TMC2: variants seen among roughly 807,000 people sequenced by gnomAD.
The protein encoded by TMC2 is transmembrane channel like 2, also known as transmembrane channel-like protein 2.
In TMC2, 102 loss-of-function variants were observed where a neutral mutation model predicts 105.9. The observed-to-expected ratio is 0.96, with a 90% CI of 0.82 to 1.14. TMC2 has a LOEUF of 1.14. Among genes scored for constraint, TMC2 ranks in the 50% most tolerant of loss-of-function variants. The pLI is 0.00. For synonymous variants in TMC2, 402 were observed against 422.8 expected (o/e 0.95, Z 0.60); for missense variants, 1,093 against 1,134.3 (o/e 0.96, Z 0.52).
intron 17 of TMC2, among the ~76,000 whole-genome samples, chr20:2,627,158 C>T (rs2086570405): frequency 1.3e-5 from 2 of 152,202 alleles, no homozygotes; most frequent in Non-Finnish European, 2.9e-5. Context: ...GAACAGCTTG[C>T]TGTTTACTCA....
At chr20:2,635,864 C>A in intron 17 of TMC2, 62 bp from the exon 18 acceptor site, 2 of 1,360,006 alleles carry the variant, frequency 1.5e-6, no homozygotes, top group Non-Finnish European at 2.1e-6. Flanking sequence ...CCAAGAAAGG[C>A]GCCCAGCTCC....
chr20:2,552,085 T>C (rs565116989), intron 2 of TMC2, among the ~76,000 whole-genome samples: 20 of 151,090 alleles, frequency 1.3e-4, no homozygotes, highest in Middle Eastern at 3.4e-3. Flanking sequence ...ACAGAGACTC[T>C]ACAAAAAAAA....
intron 18 of TMC2, among the ~76,000 whole-genome samples, chr20:2,636,683 G>A (rs1444901139): frequency 6.6e-5 from 10 of 152,112 alleles, no homozygotes; most frequent in African/African-American, 1.9e-4. Context: ...GAGTGCAGTG[G>A]CACGATCCCA....
chr20:2,631,624 A>G (rs2086603564), intron 17 of TMC2, among the ~76,000 whole-genome samples: 1 of 151,872 alleles, frequency 6.6e-6, no homozygotes, highest in Admixed American at 6.6e-5. Flanking sequence ...TGAAAAAACA[A>G]TTGACTGTTA....
intron 4 of TMC2, among the ~76,000 whole-genome samples, chr20:2,567,733 A>G (rs2086074536): frequency 6.6e-6 from 1 of 152,170 alleles, no homozygotes; most frequent in Non-Finnish European, 1.5e-5. Flanking sequence ...AAATGCTTCA[A>G]TGAGCAATTG....
At position 2,616,336 on chromosome 20, in the gene TMC2, ATG is replaced by A; in HGVS notation, c.1940+133_1940+134del. 1 of 729,558 alleles carries A rather than the reference ATG, an allele frequency of 1.4e-6. No individual in the cohort carries two copies. Among genetic ancestry groups the A allele is most frequent in the South Asian group, 1.6e-5 (1 of 62,870 alleles). The allele number at this position is 729,558 out of a possible 1,614,324, so 45.2% of individuals were successfully genotyped here. A position where few individuals can be genotyped will look rare whatever the true frequency, so the allele number is the denominator to read the frequency against. ...GCCTCTCTGAACTCCCCTCTTTCAC[ATG>A]AAAAATCAAGAGCGGGACTAGATGA... On this transcript the variant is annotated intron_variant, in intron 15 of 19. Transcript: ENST00000358864. The surrounding 1 kb of genome is among the most constrained non-coding windows in gnomAD (Gnocchi z 4.8).
chr20:2,578,728 TGTCTGCCAGACGTGGGTCTG>T lies in TMC2; in HGVS notation c.646-417_646-398del, dbSNP rs146874368. Among the ~76,000 whole-genome samples the T allele has an allele frequency of 2.2e-3, 333 of 152,388 alleles. 11 individuals carry two copies. The East Asian group carries it at 0.058, about 27-fold the overall frequency. On this transcript the variant is annotated intron_variant, in intron 5 of 19. Transcript: ENST00000358864. ...TTCCTATCAGAGAGAGGCACTTGGCTGTCTGCCAGACGTGGGTCTGAGAGTAGCCAGAGTTCCTTCTACCT... is the reference window on the plus strand; with the variant it reads ...TTCCTATCAGAGAGAGGCACTTGGCTAGAGTAGCCAGAGTTCCTTCTACCT...
Position 2,558,181 on chromosome 20 carries a change from G to A in TMC2, c.83-275G>A. 2 of 600,328 alleles carry A rather than the reference G, an allele frequency of 3.3e-6. No homozygotes were observed. Among genetic ancestry groups the A allele is most frequent in the Non-Finnish European group, 5.4e-6 (2 of 371,736 alleles). The allele number at this position is 600,328 out of a possible 1,614,324, so 37.2% of individuals were successfully genotyped here. On this transcript the variant is annotated intron_variant, in intron 2 of 19. Coordinates refer to ENST00000358864, the MANE Select transcript of TMC2 (RefSeq NM_080751.3). The surrounding 1 kb of genome is among the most constrained non-coding windows in gnomAD (Gnocchi z 4.6). ...CTCTGTGTGACTTTCCTTTCCTTGG[G>A]TATAGGGCAGGACACCTGTCACAGG...
At chr20:2,595,679 G>A (rs1383210863) in intron 9 of TMC2, among the ~76,000 whole-genome samples, 1 of 152,096 alleles carries the variant, frequency 6.6e-6, no homozygotes, top group Non-Finnish European at 1.5e-5. Flanking sequence ...GTCACGGAGT[G>A]GAAGGCACTG....
At chr20:2,541,367 A>T (rs970748824) in intron 2 of TMC2, among the ~76,000 whole-genome samples, 2 of 152,212 alleles carry the variant, frequency 1.3e-5, no homozygotes, top group Non-Finnish European at 2.9e-5. Flanking sequence ...TAGGCTGGGC[A>T]TGGTGGCTTA....
chr20:2,632,328 GTTATT>G (rs1223568274), intron 17 of TMC2, among the ~76,000 whole-genome samples: 5 of 152,112 alleles, frequency 3.3e-5, no homozygotes, highest in South Asian at 2.1e-4. Context: ...TTTCTATTTG[GTTATT>G]TTATTTATTT....
At chr20:2,556,232 GC>G (rs2085984433) in intron 2 of TMC2, among the ~76,000 whole-genome samples, 1 of 152,102 alleles carries the variant, frequency 6.6e-6, no homozygotes, top group Non-Finnish European at 1.5e-5. Flanking sequence ...GGGATTACAG[GC>G]ACGTGCCATC....
intron 17 of TMC2, among the ~76,000 whole-genome samples, chr20:2,627,303 G>A (rs1414939310): frequency 6.6e-6 from 1 of 152,146 alleles, no homozygotes; most frequent in Non-Finnish European, 1.5e-5. Flanking sequence ...TTTTTCTCCA[G>A]TAGTACTGCT....
chr20:2,611,690 C>T (rs1232621343), intron 12 of TMC2, among the ~76,000 whole-genome samples: 7 of 152,170 alleles, frequency 4.6e-5, no homozygotes, highest in South Asian at 2.1e-4. Flanking sequence ...TCTTTCTGAG[C>T]GAACCTCCAT....
chr20:2,604,470 G>A (rs2086374720), intron 11 of TMC2, among the ~76,000 whole-genome samples: 1 of 152,168 alleles, frequency 6.6e-6, no homozygotes, highest in African/African-American at 2.4e-5. Flanking sequence ...TGATATATGA[G>A]TTTGCTAGGG....
At chr20:2,580,579 A>G (rs572463411) in intron 7 of TMC2, among the ~76,000 whole-genome samples, 9 of 152,102 alleles carry the variant, frequency 5.9e-5, no homozygotes, top group African/African-American at 2.2e-4. Context: ...CCCATATATA[A>G]TTTTTAAGGA....
At chr20:2,548,527 A>G (rs1332765986) in intron 2 of TMC2, among the ~76,000 whole-genome samples, 1 of 151,938 alleles carries the variant, frequency 6.6e-6, no homozygotes, top group East Asian at 1.9e-4. Context: ...AATCCCAGCT[A>G]CTCGGGAGGC....
intron 17 of TMC2, among the ~76,000 whole-genome samples, chr20:2,630,101 A>G (rs2086592936): frequency 6.6e-6 from 1 of 152,222 alleles, no homozygotes; most frequent in Admixed American, 6.5e-5. Context: ...ATGACAAATA[A>G]TAAGTCCAAA....
intron 2 of TMC2, among the ~76,000 whole-genome samples, chr20:2,541,730 TAA>T (rs1319712704): frequency 6.6e-6 from 1 of 152,076 alleles, no homozygotes; most frequent in East Asian, 1.9e-4. Flanking sequence ...CCAAACTGCA[TAA>T]AGAGTTGCTT....
Sources: gnomAD v4.1 joint callset for allele counts (sites outside exome capture counted in the v4.1 genomes callset) on GRCh38, gnomAD v4.1.1 for gene constraint, Gnocchi (gnomAD v3.1) non-coding constraint, MANE v1.5 for transcripts, NCBI Gene and HGNC (gene_info 2026-07-23, HGNC 2026-07-21) for gene names.